Variants in FSHR observed in about 807,000 individuals in gnomAD.
FSHR encodes the protein follicle-stimulating hormone receptor.
A neutral mutation model predicts 52.1 loss-of-function variants in FSHR; 46 were observed. That is an observed-to-expected ratio of 0.88 (90% CI 0.70 to 1.13). The LOEUF is 1.13. Among genes scored for constraint, FSHR ranks in the 50% most tolerant of loss-of-function variants. The pLI, the probability that FSHR is intolerant of heterozygous loss-of-function variation, is 0.00. For missense variants in FSHR, 964 were observed against 834.6 expected (o/e 1.16, Z -1.91); for synonymous variants, 399 against 309.6 (o/e 1.29, Z -3.03).
intron 8 of FSHR, among the ~76,000 whole-genome samples, chr2:48,973,001 T>C (rs146482713): frequency 3.9e-4 from 55 of 142,402 alleles, no homozygotes; most frequent in African/African-American, 1.6e-3. Flanking sequence ...CCATTGCGGG[T>C]CTATTTGTTC....
intron 2 of FSHR, among the ~76,000 whole-genome samples, chr2:49,021,234 C>A (rs1667684500): frequency 6.6e-6 from 1 of 152,146 alleles, no homozygotes; most frequent in Admixed American, 6.5e-5. Context: ...TTCCTCAGGT[C>A]TCAGCGTTTT....
At chr2:48,982,540 T>C (rs1223706257) in intron 8 of FSHR, among the ~76,000 whole-genome samples, 1 of 152,168 alleles carries the variant, frequency 6.6e-6, no homozygotes, top group Non-Finnish European at 1.5e-5. Context: ...GCTGTAACTC[T>C]TGTATAACCT....
In FSHR at chr2:49,130,369, C is replaced by T. The variant is rs187804570; in HGVS notation, c.152+23897G>A. On this transcript the variant is annotated intron_variant, in intron 1 of 9. Transcript: ENST00000406846. ...GTAAATCGCTTAATCTCAGTGTCCT[C>T]AATAGCCAGGAAGGCCTGGACTCCC... is the stretch of plus-strand genomic sequence containing the variant. Among the ~76,000 whole-genome samples the T allele has an allele frequency of 9.2e-5, 14 of 152,282 alleles. No homozygotes were observed. In the East Asian group the frequency reaches 2.7e-3, roughly 29 times the overall value.
In FSHR at chr2:48,963,505, CCA is replaced by C. The variant is rs1445473757; in HGVS notation, c.1314_1315del (p.Ala440ArgfsTer3). On this transcript the variant is annotated frameshift_variant, in exon 10 of 10. Transcript: ENST00000406846. LOFTEE classifies it high-confidence loss of function. ...AAAGCCAGCAGCATCACAGCCTGCC[CCA>C]GTTTGCCAGTCAATGGCATAGTTGT... 1 of 1,614,032 alleles carries C rather than the reference CCA, an allele frequency of 6.2e-7. No individual in the cohort carries two copies. Among genetic ancestry groups the C allele is most frequent in the African/African-American group, 1.3e-5 (1 of 74,916 alleles).
Position 49,068,207 on chromosome 2 carries a change from C to T in FSHR, c.224+12G>A. 3 of 1,605,782 alleles carry T rather than the reference C, an allele frequency of 1.9e-6. No individual in the cohort carries two copies. Among genetic ancestry groups the T allele is most frequent in the Non-Finnish European group, 2.6e-6 (3 of 1,174,512 alleles). ...CTTGAGGCATTCACTCACAGCAGTGCTAGGTACATACATTTTCTCCAGGTC... is the reference window on the plus strand; with the variant it reads ...CTTGAGGCATTCACTCACAGCAGTGTTAGGTACATACATTTTCTCCAGGTC... On this transcript the variant is annotated intron_variant, in intron 2 of 9. Coordinates refer to ENST00000406846, the MANE Select transcript of FSHR (RefSeq NM_000145.4).
chr2:49,044,892 G>A (rs1380116948), intron 2 of FSHR, among the ~76,000 whole-genome samples: 1 of 152,118 alleles, frequency 6.6e-6, no homozygotes, highest in African/African-American at 2.4e-5. Flanking sequence ...AATTAGCCCA[G>A]ATGAGCCACA....
intron 4 of FSHR, among the ~76,000 whole-genome samples, chr2:49,001,247 G>C (rs746184860): frequency 6.6e-6 from 1 of 152,050 alleles, no homozygotes; most frequent in Non-Finnish European, 1.5e-5. Context: ...CCCTATGAAG[G>C]AGGTACTATT....
intron 2 of FSHR, among the ~76,000 whole-genome samples, chr2:49,044,124 C>T (rs1489765655): frequency 2.6e-5 from 4 of 152,092 alleles, no homozygotes; most frequent in Non-Finnish European, 4.4e-5. Flanking sequence ...TCTTTTAGCT[C>T]CTAATATGGA....
rs185698675 is a variant in FSHR at position 49,071,296 on chromosome 2, G to T, written c.153-3006C>A. 3.3e-5 allele frequency among the ~76,000 whole-genome samples: 5 copies of T among 152,200 alleles called. No individual in the cohort carries two copies. In the East Asian group the frequency reaches 9.6e-4, roughly 29 times the overall value. ...AAATTAAAACTGTAGAGCCATTAAA[G>T]AAGATATTTTAAATGCAAGTGGAGG... On this transcript the variant is annotated intron_variant, in intron 1 of 9. Coordinates refer to ENST00000406846, the MANE Select transcript of FSHR (RefSeq NM_000145.4).
At position 48,963,303 on chromosome 2, in the gene FSHR, A is replaced by G; in HGVS notation, c.1518T>C (p.Phe506=). The G allele has an allele frequency of 6.2e-7, 1 of 1,614,040 alleles. No individual in the cohort carries two copies. The highest frequency in any genetic ancestry group is 8.5e-7 in the Non-Finnish European group (1 of 1,179,984). The change falls in exon 10 of 10, where the codon TTT becomes TTC. Residue 506 remains phenylalanine, a synonymous_variant. Transcript: ENST00000406846. The part of the protein sequence containing the change: ...FAFAAALFPI[F]GISSYMKVSI... ...TCACCTTCATGTAGCTGCTGATGCCAAAGATGGGAAAGAGGGCAGCTGCAA... is the reference window on the plus strand; with the variant it reads ...TCACCTTCATGTAGCTGCTGATGCCGAAGATGGGAAAGAGGGCAGCTGCAA...
chr2:48,984,952 G>A (rs1440546369), intron 6 of FSHR, among the ~76,000 whole-genome samples: 9 of 152,018 alleles, frequency 5.9e-5, no homozygotes, highest in Non-Finnish European at 1.3e-4. Context: ...TATCAGCAGT[G>A]GATCATCACA....
chr2:49,041,503 C>T (rs922832748), intron 2 of FSHR, among the ~76,000 whole-genome samples: 2 of 152,130 alleles, frequency 1.3e-5, no homozygotes, highest in Non-Finnish European at 2.9e-5. Context: ...CAGATACGTG[C>T]ATATCTATTT....
At chr2:49,047,653 A>T (rs1668710534) in intron 2 of FSHR, among the ~76,000 whole-genome samples, 1 of 152,248 alleles carries the variant, frequency 6.6e-6, no homozygotes, top group South Asian at 2.1e-4. Flanking sequence ...TGATTTTTAC[A>T]AAAGGCATAT....
At chr2:49,109,116 C>T (rs1226834836) in intron 1 of FSHR, among the ~76,000 whole-genome samples, 3 of 152,080 alleles carry the variant, frequency 2.0e-5, no homozygotes, top group African/African-American at 7.2e-5. Context: ...GAGATCTCCA[C>T]AGATAAATTT....
chr2:49,126,683 T>A (rs1672008938), intron 1 of FSHR, among the ~76,000 whole-genome samples: 1 of 152,194 alleles, frequency 6.6e-6, no homozygotes, highest in Non-Finnish European at 1.5e-5. Flanking sequence ...TTCAATTCTG[T>A]CACTGTATAG....
chr2:49,030,506 C>T (rs1326638437), intron 2 of FSHR, among the ~76,000 whole-genome samples: 1 of 152,048 alleles, frequency 6.6e-6, no homozygotes, highest in African/African-American at 2.4e-5. Context: ...TTTTATGCCC[C>T]TCCATTTTAT....
At chr2:49,013,772 C>G (rs578115747) in intron 4 of FSHR, among the ~76,000 whole-genome samples, 1 of 151,638 alleles carries the variant, frequency 6.6e-6, no homozygotes, top group African/African-American at 2.4e-5. Context: ...ATGAATTGAA[C>G]GTTTGTGTCC....
intron 1 of FSHR, among the ~76,000 whole-genome samples, chr2:49,148,598 C>G (rs184469865): frequency 2.6e-5 from 4 of 151,860 alleles, no homozygotes; most frequent in Non-Finnish European, 5.9e-5. Context: ...AAAAATTAAA[C>G]GCAAGGCAAG....
chr2:49,076,859 A>G (rs2882223), intron 1 of FSHR, among the ~76,000 whole-genome samples: 33,654 of 151,722 alleles, frequency 0.22, 3,825 homozygotes, highest in East Asian at 0.3. Flanking sequence ...AATCTTTAAA[A>G]CTCCAAAATG....
Sources: allele counts gnomAD v4.1 joint callset (sites outside exome capture counted in the v4.1 genomes callset), GRCh38; gene constraint gnomAD v4.1.1; transcripts MANE v1.5; gene names NCBI Gene and HGNC (gene_info 2026-07-23, HGNC 2026-07-21).